Variants in CBY1 observed in about 807,000 individuals in gnomAD.
CBY1 encodes the protein chibby 1, beta catenin antagonist, also known as protein chibby homolog 1.
Under a neutral mutation model 15.6 loss-of-function variants are expected in CBY1, and 10 were observed. The ratio of observed to expected loss-of-function variants is 0.64; its 90% CI spans 0.40 to 1.09. The LOEUF (loss-of-function observed/expected upper bound fraction) is 1.09, where lower values mean the gene tolerates loss of function less well. CBY1 is among the 50% of genes least tolerant of loss of function. The pLI is 0.01. For synonymous variants in CBY1, 61 were observed against 63.5 expected (o/e 0.96, Z 0.19); for missense variants, 150 against 160.5 (o/e 0.93, Z 0.35).
At chr22:38,659,155 C>T (rs986296370) in intron 1 of CBY1, among the ~76,000 whole-genome samples, 1 of 152,022 alleles carries the variant, frequency 6.6e-6, no homozygotes, top group Non-Finnish European at 1.5e-5. Context: ...AGGCTGGTCT[C>T]GAACTCCTGG....
chr22:38,657,183 C>T (rs975797449), intron 1 of CBY1: 22 of 813,334 alleles, frequency 2.7e-5, no homozygotes, highest in Non-Finnish European at 3.1e-5. Flanking sequence ...AAACGGAAAA[C>T]CTTTACACAA....
chr22:38,664,014 T>G (rs1380030080), intron 1 of CBY1, among the ~76,000 whole-genome samples: 1 of 148,498 alleles, frequency 6.7e-6, no homozygotes, highest in African/African-American at 2.5e-5. Context: ...AGAGCGAGAC[T>G]GTGTTTCAAA....
At chr22:38,669,423 G>A (rs1417725046) in intron 2 of CBY1, among the ~76,000 whole-genome samples, 1 of 152,154 alleles carries the variant, frequency 6.6e-6, no homozygotes, top group Non-Finnish European at 1.5e-5. Context: ...CTTTCTATGT[G>A]CCAGGCACTC....
intron 1 of CBY1, among the ~76,000 whole-genome samples, chr22:38,659,864 A>C (rs1413865159): frequency 6.7e-6 from 1 of 149,644 alleles, no homozygotes; most frequent in Non-Finnish European, 1.5e-5. Context: ...TCTGTCTCAA[A>C]AAAAAAAAAA....
At chr22:38,671,439 G>A (rs959507723) in intron 4 of CBY1, 10 of 453,940 alleles carry the variant, frequency 2.2e-5, no homozygotes, top group African/African-American at 3.9e-5. Context: ...ACACGAGGGA[G>A]AAGTTATTTC....
rs779225516 is a variant in CBY1, at chr22:38,671,090, G to A, written c.205G>A (p.Val69Met). The A allele has an allele frequency of 1.2e-5, 20 of 1,614,224 alleles. No individual in the cohort carries two copies. In the Middle Eastern group the frequency reaches 1.3e-3, roughly 107 times the overall value. ...WIAETGVSGG[V>M]DRREVQRLRR... ...TCCAGAGACAGGGGTTAGTGGCGGT[G>A]TGGACCGGAGGGAGGTTCAGCGCCT... The change falls in exon 4 of 5, where the codon GTG becomes ATG. Residue 69 changes from valine (V) to methionine (M), a missense_variant. By Grantham distance (21) the Val-to-Met change is conservative (BLOSUM62 1). Transcript: ENST00000216029.
chr22:38,664,591 C>A (rs1489566293), intron 1 of CBY1, among the ~76,000 whole-genome samples: 2 of 150,680 alleles, frequency 1.3e-5, no homozygotes, highest in Admixed American at 6.6e-5. Context: ...GCAAATTAAA[C>A]AATGCAACAC....
intron 1 of CBY1, among the ~76,000 whole-genome samples, chr22:38,659,584 C>T (rs904401753): frequency 5.3e-5 from 8 of 151,898 alleles, no homozygotes; most frequent in African/African-American, 9.7e-5. Flanking sequence ...ATGTGCTGGC[C>T]GGGCACGGTG....
At chr22:38,663,645 G>A (rs1307700696) in intron 1 of CBY1, among the ~76,000 whole-genome samples, 5 of 146,976 alleles carry the variant, frequency 3.4e-5, no homozygotes, top group Admixed American at 1.4e-4. Context: ...GCGGTGTGCT[G>A]AGATGGCGCC....
At chr22:38,659,870 A>AG (rs1442196790) in intron 1 of CBY1, among the ~76,000 whole-genome samples, 1 of 151,426 alleles carries the variant, frequency 6.6e-6, no homozygotes, top group East Asian at 2.0e-4. Flanking sequence ...TCAAAAAAAA[A>AG]AAAAAAAAAA....
intron 1 of CBY1, chr22:38,666,767 A>G (rs1330106987): frequency 1.3e-5 from 2 of 151,956 alleles, no homozygotes; most frequent in Non-Finnish European, 2.9e-5. Flanking sequence ...CAGTGGCGCA[A>G]TCTCGGCTCA....
At chr22:38,660,941 C>T (rs1349940114) in intron 1 of CBY1, among the ~76,000 whole-genome samples, 2 of 152,012 alleles carry the variant, frequency 1.3e-5, no homozygotes, top group Non-Finnish European at 2.9e-5. Flanking sequence ...TAATGCTTTT[C>T]CCTCTTCTAA....
intron 1 of CBY1, chr22:38,656,972 T>C (rs765973239): frequency 2.2e-4 from 37 of 165,482 alleles, no homozygotes; most frequent in South Asian, 2.0e-4. Flanking sequence ...GTGAAGATGA[T>C]TGCATGAGAT....
At chr22:38,659,946 T>G (rs1157784063) in intron 1 of CBY1, among the ~76,000 whole-genome samples, 1 of 152,066 alleles carries the variant, frequency 6.6e-6, no homozygotes, top group East Asian at 1.9e-4. Flanking sequence ...TTTTTACTGT[T>G]ATCAACAATA....
intron 1 of CBY1, among the ~76,000 whole-genome samples, chr22:38,659,840 C>G (rs1226814309): frequency 7.6e-6 from 1 of 130,906 alleles, no homozygotes; most frequent in African/African-American, 2.9e-5. Context: ...CCAGCCCGGG[C>G]GACAGAGTGA....
At chr22:38,660,948 C>T (rs768101333) in intron 1 of CBY1, among the ~76,000 whole-genome samples, 8 of 152,070 alleles carry the variant, frequency 5.3e-5, no homozygotes, top group Non-Finnish European at 8.8e-5. Flanking sequence ...TTTCCCTCTT[C>T]TAACCTCTTT....
intron 1 of CBY1, chr22:38,657,109 A>T: frequency 1.0e-6 from 1 of 984,124 alleles, no homozygotes; most frequent in Admixed American, 6.2e-5. Flanking sequence ...TCCGATGAAA[A>T]CCAGAGATTC....
At chr22:38,661,883 C>G (rs2145779496) in intron 1 of CBY1, among the ~76,000 whole-genome samples, 1 of 152,260 alleles carries the variant, frequency 6.6e-6, no homozygotes, top group African/African-American at 2.4e-5. Context: ...GACCTTACGC[C>G]CAGGAGGAGC....
In CBY1 at chr22:38,670,943, C is replaced by G. The variant is rs774798884; in HGVS notation, c.138C>G (p.Asn46Lys). The change falls in exon 3 of 5, where the codon AAC becomes AAG. Residue 46 changes from asparagine (N) to lysine (K), a missense_variant. By Grantham distance (94) the Asn-to-Lys change is moderately conservative. Transcript: ENST00000216029. ...LGLEYGSPTM[N>K]LAGQSLKFEN... ...TGGAATACGGATCCCCGACTATGAACCTGGCAGGGCAAAGCCTGAAGTTTG... is the reference window on the plus strand; with the variant it reads ...TGGAATACGGATCCCCGACTATGAAGCTGGCAGGGCAAAGCCTGAAGTTTG... 2 of 1,614,202 alleles carry G rather than the reference C, an allele frequency of 1.2e-6. No homozygotes were observed. Among genetic ancestry groups the G allele is most frequent in the African/African-American group, 1.3e-5 (1 of 75,054 alleles).
Sources: allele counts gnomAD v4.1 joint callset (sites outside exome capture counted in the v4.1 genomes callset), GRCh38; gene constraint gnomAD v4.1.1; transcripts MANE v1.5; gene names NCBI Gene and HGNC (gene_info 2026-07-23, HGNC 2026-07-21).